The following PCED1B variants were observed in gnomAD, a reference collection of about 807,000 sequenced individuals.
PCED1B encodes the protein PC-esterase domain containing 1B, also known as PC-esterase domain-containing protein 1B.
For synonymous variants in PCED1B, 251 were observed against 246.1 expected (o/e 1.02, Z -0.19); for missense variants, 573 against 573.9 (o/e 1.00, Z 0.02).
intron 2 of PCED1B, among the ~76,000 whole-genome samples, chr12:47,187,093 C>T (rs1008633394): frequency 3.3e-5 from 5 of 152,112 alleles, no homozygotes; most frequent in Non-Finnish European, 2.9e-5. Flanking sequence ...GAAGGTGGAC[C>T]ACTGTGCTGC....
chr12:47,185,482 G>A (rs964779753), intron 2 of PCED1B, among the ~76,000 whole-genome samples: 5 of 152,168 alleles, frequency 3.3e-5, no homozygotes, highest in African/African-American at 1.2e-4. Flanking sequence ...CTCCAGCTAG[G>A]GAAAATTAGA....
At chr12:47,217,662 C>T (rs1009511855) in intron 3 of PCED1B, among the ~76,000 whole-genome samples, 11 of 151,944 alleles carry the variant, frequency 7.2e-5, no homozygotes, top group Admixed American at 2.0e-4. Context: ...CCGCAACCTC[C>T]GCCTCCCAAG....
chr12:47,167,406 G>A (rs749821244), intron 2 of PCED1B, among the ~76,000 whole-genome samples: 2 of 152,092 alleles, frequency 1.3e-5, no homozygotes, highest in Non-Finnish European at 2.9e-5. Flanking sequence ...CATTGTGGCT[G>A]TCTCTCCAAC....
chr12:47,157,656 A>G (rs1004380875), intron 2 of PCED1B, among the ~76,000 whole-genome samples: 1 of 152,152 alleles, frequency 6.6e-6, no homozygotes, highest in African/African-American at 2.4e-5. Flanking sequence ...CATAAAATGT[A>G]TCATCTTAAC....
chr12:47,221,158 T>C (rs1315728466), intron 3 of PCED1B, among the ~76,000 whole-genome samples: 5 of 152,046 alleles, frequency 3.3e-5, no homozygotes, highest in African/African-American at 1.2e-4. Context: ...AAAGACACAC[T>C]TTTTAAGGAC....
chr12:47,138,041 A>C (rs578046624), intron 2 of PCED1B, among the ~76,000 whole-genome samples: 1 of 152,230 alleles, frequency 6.6e-6, no homozygotes, highest in Non-Finnish European at 1.5e-5. Flanking sequence ...TTCACATAGC[A>C]TACAAACCCA....
At chr12:47,215,710 G>A (rs1305684140) in intron 2 of PCED1B, among the ~76,000 whole-genome samples, 1 of 152,180 alleles carries the variant, frequency 6.6e-6, no homozygotes, top group African/African-American at 2.4e-5. Flanking sequence ...AGTGTGGACT[G>A]AGCCATTTTT....
intron 2 of PCED1B, among the ~76,000 whole-genome samples, chr12:47,195,526 A>G (rs944089243): frequency 1.2e-4 from 19 of 152,082 alleles, no homozygotes; most frequent in Admixed American, 1.3e-4. Flanking sequence ...TTATCTTTCT[A>G]AATTCACTTA....
chr12:47,131,717 G>A (rs1336249890), intron 2 of PCED1B, among the ~76,000 whole-genome samples: 1 of 140,332 alleles, frequency 7.1e-6, no homozygotes, highest in Non-Finnish European at 1.5e-5. Context: ...CTGCCAGGCT[G>A]TAGTGCAGTG....
At chr12:47,221,981 T>G (rs1481457504) in intron 3 of PCED1B, among the ~76,000 whole-genome samples, 1 of 151,888 alleles carries the variant, frequency 6.6e-6, no homozygotes, top group East Asian at 1.9e-4. Context: ...TGCACACTTG[T>G]GGTCCCAACT....
At chr12:47,142,074 G>A (rs1270686580) in intron 2 of PCED1B, among the ~76,000 whole-genome samples, 2 of 152,198 alleles carry the variant, frequency 1.3e-5, no homozygotes, top group African/African-American at 4.8e-5. Context: ...CAACAGGCCT[G>A]CCAGCTGTAG....
intron 2 of PCED1B, among the ~76,000 whole-genome samples, chr12:47,202,608 A>G (rs4768784): frequency 6.0e-5 from 9 of 151,134 alleles, no homozygotes; most frequent in African/African-American, 1.5e-4. Flanking sequence ...AAAAAAAAAA[A>G]AAAAAAAAAA....
At chr12:47,149,045 A>G (rs1479160420) in intron 2 of PCED1B, among the ~76,000 whole-genome samples, 1 of 152,204 alleles carries the variant, frequency 6.6e-6, no homozygotes, top group African/African-American at 2.4e-5. Flanking sequence ...TTCCCCAGAA[A>G]ACTCAGTGGA....
intron 2 of PCED1B, among the ~76,000 whole-genome samples, chr12:47,127,597 C>T (rs1032720055): frequency 1.3e-5 from 2 of 151,926 alleles, no homozygotes; most frequent in African/African-American, 4.8e-5. Flanking sequence ...ATCTCCTGAC[C>T]TCGTGATCTG....
chr12:47,215,018 C>T (rs1028794306), intron 2 of PCED1B, among the ~76,000 whole-genome samples: 1 of 151,734 alleles, frequency 6.6e-6, no homozygotes, highest in Non-Finnish European at 1.5e-5. Flanking sequence ...TCCCAAGGAC[C>T]TGGGATTACG....
intron 1 of PCED1B, among the ~76,000 whole-genome samples, chr12:47,100,080 C>T (rs941080333): frequency 6.6e-6 from 1 of 152,208 alleles, no homozygotes; most frequent in Non-Finnish European, 1.5e-5. Flanking sequence ...AATAGAAATT[C>T]TTGAATCTAG....
intron 2 of PCED1B, among the ~76,000 whole-genome samples, chr12:47,137,212 A>G (rs927838143): frequency 2.0e-5 from 3 of 152,220 alleles, no homozygotes; most frequent in Non-Finnish European, 4.4e-5. Flanking sequence ...AATATAAACA[A>G]AGTCTTAATT....
In PCED1B at chr12:47,186,222, AAAAG is replaced by A. The variant is rs1488356553; in HGVS notation, c.-525-29996_-525-29993del. ...GACAGAGTGAGACTCCGTCTAAAAA[AAAAG>A]AAAAAAAAAAAGAACTTGAACTTAC... On this transcript the variant is annotated intron_variant, in intron 2 of 3. Transcript: ENST00000546455. Among the ~76,000 whole-genome samples, 814 of 117,326 alleles carry A rather than the reference AAAAG, an allele frequency of 6.9e-3. 29 individuals carry two copies. The highest frequency in any genetic ancestry group is 0.014 in the African/African-American group (515 of 35,866). The allele number at this position is 117,326 out of a possible 152,430, so 77.0% of individuals were successfully genotyped here.
At position 47,120,046 on chromosome 12, in the gene PCED1B, C is replaced by T. The variant is rs569892343; in HGVS notation, c.-526+15851C>T. ...AAAATGATATTCATAGATATTTCTC[C>T]AAGGAAGATACACAAATGGTCAATA... is the stretch of plus-strand genomic sequence containing the variant. On this transcript the variant is annotated intron_variant, in intron 2 of 3. Coordinates refer to ENST00000546455, the MANE Select transcript of PCED1B (RefSeq NM_138371.3). 4.6e-5 allele frequency among the ~76,000 whole-genome samples: 7 copies of T among 151,958 alleles called. No individual in the cohort carries two copies. In the South Asian group the frequency reaches 1.5e-3, roughly 32 times the overall value.
Sources: allele counts gnomAD v4.1 joint callset (sites outside exome capture counted in the v4.1 genomes callset), GRCh38; gene constraint gnomAD v4.1.1; transcripts MANE v1.5; gene names NCBI Gene and HGNC (gene_info 2026-07-23, HGNC 2026-07-21).